Variants in TENM4 observed in about 807,000 individuals in gnomAD.
TENM4 encodes teneurin transmembrane protein 4.
A neutral mutation model predicts 243.3 loss-of-function variants in TENM4; 82 were observed. The ratio of observed to expected loss-of-function variants is 0.34; its 90% CI spans 0.28 to 0.40. The LOEUF (loss-of-function observed/expected upper bound fraction) is 0.40. TENM4 is among the 10% of genes least tolerant of loss of function. The pLI, the probability that TENM4 is intolerant of heterozygous loss-of-function variation, is 1.00. For synonymous variants in TENM4, 1,412 were observed against 1,456.3 expected (o/e 0.97, Z 0.69); for missense variants, 3,138 against 3,673.3 (o/e 0.85, Z 3.77).
At chr11:78,767,632 T>C (rs2135985588) in intron 18 of TENM4, among the ~76,000 whole-genome samples, 1 of 152,360 alleles carries the variant, frequency 6.6e-6, no homozygotes, top group Middle Eastern at 3.4e-3. Context: ...AAAGTCAATG[T>C]TCTCTGATGT....
chr11:78,839,538 T>C (rs916923217), intron 12 of TENM4, among the ~76,000 whole-genome samples: 1 of 152,184 alleles, frequency 6.6e-6, no homozygotes, highest in African/African-American at 2.4e-5. Flanking sequence ...AAATAGTTTT[T>C]CAGTTAATGT....
chr11:79,028,283 A>C (rs1387401308), intron 6 of TENM4, among the ~76,000 whole-genome samples: 1 of 152,226 alleles, frequency 6.6e-6, no homozygotes, highest in East Asian at 1.9e-4. Flanking sequence ...TCCACTGTTT[A>C]ATGCTGCTCA....
At chr11:78,936,702 A>G (rs1177669370) in intron 6 of TENM4, among the ~76,000 whole-genome samples, 1 of 152,240 alleles carries the variant, frequency 6.6e-6, no homozygotes, top group African/African-American at 2.4e-5. Context: ...ACTTGTAGAA[A>G]CCAGCAGATG....
chr11:79,384,695 G>A (rs1858072537), intron 1 of TENM4, among the ~76,000 whole-genome samples: 1 of 152,066 alleles, frequency 6.6e-6, no homozygotes, highest in East Asian at 1.9e-4. Context: ...GGAGGCTGAG[G>A]TGGGCAAATC....
chr11:78,746,813 A>G (rs1050894572), intron 19 of TENM4, among the ~76,000 whole-genome samples: 1 of 152,240 alleles, frequency 6.6e-6, no homozygotes, highest in African/African-American at 2.4e-5. Flanking sequence ...GCTTGTTTCA[A>G]AGAAGACTTT....
intron 6 of TENM4, among the ~76,000 whole-genome samples, chr11:78,997,968 AG>A (rs1446950300): frequency 1.3e-5 from 2 of 152,180 alleles, no homozygotes; most frequent in East Asian, 3.9e-4. Context: ...CACCGAGGAA[AG>A]GCCATGTGAA....
At chr11:78,749,525 C>G (rs1488069265) in intron 19 of TENM4, among the ~76,000 whole-genome samples, 1 of 152,130 alleles carries the variant, frequency 6.6e-6, no homozygotes, top group Non-Finnish European at 1.5e-5. Flanking sequence ...TGAGGGCTTC[C>G]TGAAGGCTGT....
At chr11:78,707,907 C>T (rs1012356661) in intron 27 of TENM4, among the ~76,000 whole-genome samples, 2 of 152,174 alleles carry the variant, frequency 1.3e-5, no homozygotes, top group South Asian at 2.1e-4. Context: ...TTCAATCAAT[C>T]GATTAATCAA....
chr11:79,404,224 C>T (rs184828634), intron 1 of TENM4, among the ~76,000 whole-genome samples: 80 of 152,352 alleles, frequency 5.3e-4, no homozygotes, highest in African/African-American at 1.9e-3. Flanking sequence ...TGAATTCACA[C>T]AGACATTTTG....
At chr11:78,963,045 T>C (rs1459219224) in intron 6 of TENM4, among the ~76,000 whole-genome samples, 1 of 152,226 alleles carries the variant, frequency 6.6e-6, no homozygotes, top group Non-Finnish European at 1.5e-5. Flanking sequence ...ATTCAGAATC[T>C]AACATAATGC....
chr11:79,007,175 G>T (rs1242283162), intron 6 of TENM4, among the ~76,000 whole-genome samples: 3 of 152,152 alleles, frequency 2.0e-5, no homozygotes, highest in African/African-American at 7.2e-5. Flanking sequence ...CAGACATCCT[G>T]TTGGTAGTAT....
intron 6 of TENM4, among the ~76,000 whole-genome samples, chr11:79,059,602 C>T (rs1211389554): frequency 6.6e-6 from 1 of 152,196 alleles, no homozygotes; most frequent in Non-Finnish European, 1.5e-5. Context: ...GTGAAAAATA[C>T]ATAACAGTTA....
chr11:79,037,639 A>T (rs1206391846), intron 6 of TENM4, among the ~76,000 whole-genome samples: 1 of 152,170 alleles, frequency 6.6e-6, no homozygotes, highest in Non-Finnish European at 1.5e-5. Flanking sequence ...ACCATGTCTC[A>T]AATTTTCTTT....
intron 1 of TENM4, among the ~76,000 whole-genome samples, chr11:79,347,865 C>T (rs1263908370): frequency 6.7e-6 from 1 of 148,682 alleles, no homozygotes; most frequent in Non-Finnish European, 1.5e-5. Context: ...CTGCAAGCTC[C>T]GCTTCCCGGG....
intron 3 of TENM4, among the ~76,000 whole-genome samples, chr11:79,168,394 C>T (rs1280235260): frequency 6.6e-6 from 1 of 152,050 alleles, no homozygotes; most frequent in African/African-American, 2.4e-5. Context: ...TGGGGGGATG[C>T]CAAACCAGTC....
At position 78,787,029 on chromosome 11, in the gene TENM4, C is replaced by A. The variant is rs561987247; in HGVS notation, c.2234G>T (p.Arg745Leu). The stretch of plus-strand genomic sequence containing the variant: ...TGCCCCCATCCAGCCATCCTCGCAG[C>A]GGCAGGTGCCCCCTACGCACACGCC... ...GHGVCVGGTC[R>L]CEDGWMGAAC... The change falls in exon 16 of 34, where the codon CGC (arginine) becomes CTC (leucine). Residue 745 changes from arginine to leucine, a missense_variant. Physicochemically the swap from Arg to Leu is moderately radical, Grantham distance 102. Coordinates refer to ENST00000278550, the MANE Select transcript of TENM4 (RefSeq NM_001098816.3). The A allele has an allele frequency of 1.9e-6, 3 of 1,557,902 alleles. No homozygotes were observed. Among genetic ancestry groups the A allele is most frequent in the Admixed American group, 3.8e-5 (2 of 52,044 alleles).
chr11:79,179,346 A>G (rs183905417), intron 3 of TENM4, among the ~76,000 whole-genome samples: 233 of 152,322 alleles, frequency 1.5e-3, no homozygotes, highest in Admixed American at 2.2e-3. Flanking sequence ...CACAGCCACA[A>G]CCACTTATTT....
At chr11:78,931,311 C>T (rs1388784461) in intron 6 of TENM4, among the ~76,000 whole-genome samples, 2 of 152,024 alleles carry the variant, frequency 1.3e-5, no homozygotes, top group Non-Finnish European at 2.9e-5. Context: ...AACAGCAGGC[C>T]CATATTAAAA....
intron 3 of TENM4, among the ~76,000 whole-genome samples, chr11:79,157,542 C>G (rs187158916): frequency 6.6e-6 from 1 of 152,294 alleles, no homozygotes; most frequent in Admixed American, 6.5e-5. Flanking sequence ...CCATCTGTAA[C>G]TCAGTACTCT....
Sources: gnomAD v4.1 joint callset for allele counts (sites outside exome capture counted in the v4.1 genomes callset) on GRCh38, gnomAD v4.1.1 for gene constraint, MANE v1.5 for transcripts, NCBI Gene and HGNC (gene_info 2026-07-23, HGNC 2026-07-21) for gene names.